PCSK5: variants seen among roughly 807,000 people sequenced by gnomAD.
The protein encoded by PCSK5 is prohormone convertase 5.
In PCSK5, 129 loss-of-function variants were observed where a neutral mutation model predicts 233.2. The observed-to-expected ratio is 0.55, with a 90% CI of 0.48 to 0.64. The LOEUF (loss-of-function observed/expected upper bound fraction) is 0.64, where lower values mean the gene tolerates loss of function less well. Ranked by LOEUF, PCSK5 falls within the 30% of genes least tolerant of loss-of-function variation. PCSK5 has a pLI of 0.00. For synonymous variants in PCSK5, 825 were observed against 879.2 expected (o/e 0.94, Z 1.09); for missense variants, 2,076 against 2,430.1 (o/e 0.85, Z 3.06).
chr9:76,078,630 C>T (rs2131615415), intron 7 of PCSK5, among the ~76,000 whole-genome samples: 1 of 152,200 alleles, frequency 6.6e-6, no homozygotes, highest in East Asian at 1.9e-4. Context: ...AATCAGATTG[C>T]TGTAGATGTG....
chr9:76,147,448 C>A (rs192921518), intron 10 of PCSK5, among the ~76,000 whole-genome samples: 70 of 152,306 alleles, frequency 4.6e-4, no homozygotes, highest in Middle Eastern at 3.4e-3. Context: ...ATTAATCAGA[C>A]TTTGCCAGGA....
At chr9:76,351,053 T>C in intron 36 of PCSK5, 125 bp downstream of exon 36, 1 of 591,082 alleles carries the variant, frequency 1.7e-6, no homozygotes, top group Non-Finnish European at 3.0e-6. Flanking sequence ...ATAGTGTATG[T>C]TTAGTATTTT....
At chr9:76,343,862 T>C (rs1829904631) in intron 35 of PCSK5, among the ~76,000 whole-genome samples, 1 of 152,194 alleles carries the variant, frequency 6.6e-6, no homozygotes, top group Non-Finnish European at 1.5e-5. Context: ...CAGGCTAGTT[T>C]AATTTGTGTA....
intron 5 of PCSK5, among the ~76,000 whole-genome samples, chr9:76,037,522 G>A (rs1462386868): frequency 1.3e-5 from 2 of 152,192 alleles, no homozygotes; most frequent in Non-Finnish European, 2.9e-5. Flanking sequence ...CAGAGGGCAA[G>A]TGGTTAGTTT....
intron 2 of PCSK5, among the ~76,000 whole-genome samples, chr9:75,933,888 C>T (rs1035416362): frequency 3.3e-5 from 5 of 152,242 alleles, no homozygotes; most frequent in East Asian, 1.9e-4. Context: ...GTAATTAAAA[C>T]GACGCTAATT....
intron 2 of PCSK5, among the ~76,000 whole-genome samples, chr9:75,968,763 TG>T (rs1825698280): frequency 6.6e-6 from 1 of 152,144 alleles, no homozygotes; most frequent in Admixed American, 6.5e-5. Flanking sequence ...TGTGGAAAAA[TG>T]GTCAGATCTG....
At chr9:76,240,079 T>G (rs1826382141) in intron 23 of PCSK5, among the ~76,000 whole-genome samples, 1 of 152,214 alleles carries the variant, frequency 6.6e-6, no homozygotes, top group Non-Finnish European at 1.5e-5. Context: ...TAGTTTCGGC[T>G]CTCTTCTATG....
At chr9:76,073,896 T>C (rs1330909919) in intron 7 of PCSK5, among the ~76,000 whole-genome samples, 1 of 152,110 alleles carries the variant, frequency 6.6e-6, no homozygotes, top group East Asian at 1.9e-4. Flanking sequence ...ATTAAAAATA[T>C]GGTACTTTGG....
chr9:76,016,791 C>T (rs1827965430), intron 3 of PCSK5, among the ~76,000 whole-genome samples: 1 of 152,178 alleles, frequency 6.6e-6, no homozygotes. Flanking sequence ...AAATGAGAAA[C>T]ACCATCCACT....
intron 22 of PCSK5, among the ~76,000 whole-genome samples, chr9:76,234,152 T>C (rs1383338892): frequency 6.6e-6 from 1 of 152,188 alleles, no homozygotes; most frequent in Non-Finnish European, 1.5e-5. Flanking sequence ...CAGCCTCAAC[T>C]CATATGCCTG....
At chr9:76,100,819 G>A (rs1831724205) in intron 8 of PCSK5, among the ~76,000 whole-genome samples, 1 of 152,196 alleles carries the variant, frequency 6.6e-6, no homozygotes, top group African/African-American at 2.4e-5. Context: ...AACTCAAGCT[G>A]AGTTGCTAGT....
intron 21 of PCSK5, 137 bp from the exon 22 acceptor site, chr9:76,233,323 C>T: frequency 1.3e-6 from 1 of 791,684 alleles, no homozygotes; most frequent in Non-Finnish European, 2.0e-6. Flanking sequence ...CTAAGATGAT[C>T]ACTCCCAGGC....
chr9:76,349,818 C>T (rs1830072936), intron 35 of PCSK5, among the ~76,000 whole-genome samples: 2 of 152,158 alleles, frequency 1.3e-5, no homozygotes, highest in African/African-American at 4.8e-5. Flanking sequence ...CCCAAACTTT[C>T]CAGAAGTTAT....
intron 12 of PCSK5, among the ~76,000 whole-genome samples, chr9:76,160,030 C>T (rs1822784595): frequency 6.6e-6 from 1 of 152,024 alleles, no homozygotes; most frequent in Non-Finnish European, 1.5e-5. Context: ...ACCACGTTGA[C>T]CAGGATGGTC....
intron 20 of PCSK5, among the ~76,000 whole-genome samples, chr9:76,212,064 G>A (rs1386721184): frequency 1.3e-5 from 2 of 152,168 alleles, no homozygotes; most frequent in East Asian, 3.9e-4. Context: ...TGAGACCACT[G>A]TGAGAAAAGC....
At chr9:76,249,349 G>C (rs1040040443) in intron 24 of PCSK5, among the ~76,000 whole-genome samples, 4 of 152,032 alleles carry the variant, frequency 2.6e-5, no homozygotes, top group Non-Finnish European at 5.9e-5. Context: ...TCAAGAATGT[G>C]GGGTATCTAT....
chr9:76,197,662 A>G (rs925320701), intron 20 of PCSK5, among the ~76,000 whole-genome samples: 6 of 152,120 alleles, frequency 3.9e-5, no homozygotes, highest in Non-Finnish European at 7.4e-5. Flanking sequence ...GAAATTGCAT[A>G]TTGGAGGCAA....
intron 5 of PCSK5, among the ~76,000 whole-genome samples, chr9:76,050,482 G>A (rs1480515487): frequency 6.6e-6 from 1 of 152,048 alleles, no homozygotes; most frequent in Non-Finnish European, 1.5e-5. Flanking sequence ...CATATTTCAT[G>A]CATTACTGAG....
intron 1 of PCSK5, among the ~76,000 whole-genome samples, chr9:75,917,265 G>A (rs1326013282): frequency 1.3e-5 from 2 of 152,090 alleles, no homozygotes; most frequent in East Asian, 3.8e-4. Flanking sequence ...AAGACACATG[G>A]CCTGATGAGT....
Sources: gnomAD v4.1 joint callset for allele counts (sites outside exome capture counted in the v4.1 genomes callset) on GRCh38, gnomAD v4.1.1 for gene constraint, MANE v1.5 for transcripts, NCBI Gene and HGNC (gene_info 2026-07-23, HGNC 2026-07-21) for gene names.